Variants in AKT3 observed in about 807,000 individuals in gnomAD.
The protein encoded by AKT3 is AKT serine/threonine kinase 3.
Under a neutral mutation model 65.3 loss-of-function variants are expected in AKT3, and 15 were observed. The observed-to-expected ratio is 0.23, with a 90% confidence interval of 0.15 to 0.35. The LOEUF is 0.35. Among genes scored for constraint, AKT3 ranks in the 10% least tolerant of loss-of-function variants. The probability of loss-of-function intolerance (pLI) is 1.00; values close to 1 mark genes in which losing one functional copy is unlikely to be tolerated. For synonymous variants in AKT3, 206 were observed against 183.8 expected, an observed-to-expected ratio of 1.12 and a Z score of -0.98; for missense variants, 243 against 576.5, an observed-to-expected ratio of 0.42 and a Z score of 5.92.
At chr1:243,732,465 T>G (rs1444724852) in intron 2 of AKT3, among the ~76,000 whole-genome samples, 4 of 152,216 alleles carry the variant, frequency 2.6e-5, no homozygotes, top group Admixed American at 6.5e-5. Context: ...AATAATACCC[T>G]CAGACTCTAG....
intron 2 of AKT3, among the ~76,000 whole-genome samples, chr1:243,756,560 T>C (rs1427417748): frequency 1.3e-5 from 2 of 152,236 alleles, no homozygotes; most frequent in Non-Finnish European, 2.9e-5. Flanking sequence ...CATGAGCCCA[T>C]ATTGATAAAA....
At chr1:243,706,678 T>C (rs950974693) in intron 2 of AKT3, among the ~76,000 whole-genome samples, 9 of 152,152 alleles carry the variant, frequency 5.9e-5, no homozygotes, top group African/African-American at 2.2e-4. Flanking sequence ...GATTGAGTCT[T>C]GTACCACAGC....
At chr1:243,710,959 A>G (rs1686108327) in intron 2 of AKT3, among the ~76,000 whole-genome samples, 1 of 152,242 alleles carries the variant, frequency 6.6e-6, no homozygotes, top group Non-Finnish European at 1.5e-5. Context: ...GTAGCAGAGA[A>G]AAGTTCAGCT....
At chr1:243,795,066 T>C (rs1009826524) in intron 2 of AKT3, among the ~76,000 whole-genome samples, 4 of 152,186 alleles carry the variant, frequency 2.6e-5, no homozygotes, top group African/African-American at 7.2e-5. Context: ...TAAAGTTTTC[T>C]TTTGATCCCT....
rs1278186205 is a variant in AKT3, at chr1:243,500,450, GTACT to G, written c.*4795_*4798del. 1 of 225,352 alleles carries G rather than the reference GTACT, an allele frequency of 4.4e-6. No individual in the cohort carries two copies. The highest frequency in any genetic ancestry group is 8.8e-6 in the Non-Finnish European group (1 of 113,410). The allele number at this position is 225,352 out of a possible 1,614,324, so 14.0% of individuals were successfully genotyped here. ...CAGTATTTGAGAGGAGCCTAAAAACGTACTTAGTGAAATTAGAAAATTTACTTAG... is the reference window on the plus strand; with the variant it reads ...CAGTATTTGAGAGGAGCCTAAAAACGTAGTGAAATTAGAAAATTTACTTAG... On this transcript the variant is annotated 3_prime_UTR_variant, in exon 14 of 14. Transcript: ENST00000673466.
chr1:243,567,396 C>T (rs1674235113), intron 9 of AKT3, among the ~76,000 whole-genome samples: 1 of 152,052 alleles, frequency 6.6e-6, no homozygotes, highest in Admixed American at 6.6e-5. Context: ...CAGCCTCAAC[C>T]TCCCAGGCTC....
intron 8 of AKT3, among the ~76,000 whole-genome samples, chr1:243,598,516 ACT>A (rs1360116548): frequency 2.0e-5 from 3 of 152,084 alleles, no homozygotes; most frequent in Admixed American, 6.6e-5. Flanking sequence ...TTTCTCCATA[ACT>A]CTCTCTCATA....
At chr1:243,682,291 C>T (rs1221058252) in intron 3 of AKT3, among the ~76,000 whole-genome samples, 1 of 152,046 alleles carries the variant, frequency 6.6e-6, no homozygotes, top group Non-Finnish European at 1.5e-5. Flanking sequence ...ACTCCAACTT[C>T]CCTACATACA....
At chr1:243,617,482 A>G (rs1678418029) in intron 6 of AKT3, among the ~76,000 whole-genome samples, 1 of 151,992 alleles carries the variant, frequency 6.6e-6, no homozygotes, top group South Asian at 2.1e-4. Context: ...GTAACTTAAT[A>G]AAAAAAATAA....
At chr1:243,688,433 A>T (rs1438809563) in intron 3 of AKT3, among the ~76,000 whole-genome samples, 1 of 152,230 alleles carries the variant, frequency 6.6e-6, no homozygotes, top group Non-Finnish European at 1.5e-5. Context: ...AATGGAGAAC[A>T]TCTGAAATTT....
intron 2 of AKT3, among the ~76,000 whole-genome samples, chr1:243,833,505 C>T (rs953463413): frequency 1.3e-5 from 2 of 151,040 alleles, no homozygotes; most frequent in East Asian, 3.9e-4. Context: ...AAACTGCCCC[C>T]GTGATTCAAT....
intron 2 of AKT3, among the ~76,000 whole-genome samples, chr1:243,838,439 C>T (rs556808338): frequency 2.4e-4 from 36 of 151,974 alleles, no homozygotes; most frequent in African/African-American, 8.4e-4. Flanking sequence ...TTTTCTTTCT[C>T]CTAATCATTT....
At chr1:243,573,117 T>C in intron 8 of AKT3, 69 bp from the exon 9 acceptor site, 1 of 1,546,674 alleles carries the variant, frequency 6.5e-7, no homozygotes, top group African/African-American at 1.4e-5. Flanking sequence ...AACACAAACA[T>C]AAAACACCTC....
At position 243,502,747 on chromosome 1, in the gene AKT3, G is replaced by T. The variant is rs1669400084; in HGVS notation, c.*2502C>A. ...CAATGGAGTCTCAGAGGGTGGAATAGAAGTGACTGAGCCCCAGGCATGGCT... is the reference window on the plus strand; with the variant it reads ...CAATGGAGTCTCAGAGGGTGGAATATAAGTGACTGAGCCCCAGGCATGGCT... On this transcript the variant is annotated 3_prime_UTR_variant, in exon 14 of 14. Coordinates refer to ENST00000673466, the MANE Select transcript of AKT3 (RefSeq NM_005465.7). 4.3e-6 allele frequency: 1 copy of T among 233,226 alleles called. No individual in the cohort carries two copies. The highest frequency in any genetic ancestry group is 2.2e-5 in the African/African-American group (1 of 45,362). The allele number at this position is 233,226 out of a possible 1,614,324, so 14.4% of individuals were successfully genotyped here. A position where few individuals can be genotyped will look rare whatever the true frequency, so the allele number is the denominator to read the frequency against.
chr1:243,764,872 C>T (rs969934249), intron 2 of AKT3, among the ~76,000 whole-genome samples: 3 of 152,080 alleles, frequency 2.0e-5, no homozygotes, highest in Non-Finnish European at 4.4e-5. Flanking sequence ...CTGTTGCAAA[C>T]ATTTCAAAAT....
chr1:243,845,274 T>C (rs967831725), intron 1 of AKT3, among the ~76,000 whole-genome samples: 1 of 150,396 alleles, frequency 6.6e-6, no homozygotes, highest in Admixed American at 6.6e-5. Context: ...GCAGAACCTA[T>C]AGGTAAGGCT....
chr1:243,616,131 T>C (rs1414915118), intron 6 of AKT3, among the ~76,000 whole-genome samples: 1 of 151,762 alleles, frequency 6.6e-6, no homozygotes, highest in Non-Finnish European at 1.5e-5. Context: ...TGGTGATTTC[T>C]GAGATTTTGG....
At chr1:243,798,550 GTTCTTGATATTATCTAA>G (rs1174878176) in intron 2 of AKT3, among the ~76,000 whole-genome samples, 1 of 151,784 alleles carries the variant, frequency 6.6e-6, no homozygotes, top group African/African-American at 2.4e-5. Context: ...TTCTATTTAT[GTTCTTGATATTATCTAA>G]TTTCCTACAG....
intron 2 of AKT3, among the ~76,000 whole-genome samples, chr1:243,710,643 T>C (rs1327877979): frequency 2.0e-5 from 3 of 152,130 alleles, no homozygotes; most frequent in Non-Finnish European, 4.4e-5. Context: ...GAAAACAATT[T>C]GAAAAGAAAA....
Sources: allele counts gnomAD v4.1 joint callset (sites outside exome capture counted in the v4.1 genomes callset), GRCh38; gene constraint gnomAD v4.1.1; transcripts MANE v1.5; gene names NCBI Gene and HGNC (gene_info 2026-07-23, HGNC 2026-07-21).